SOX6: variants seen among roughly 807,000 people sequenced by gnomAD.
SOX6 encodes SRY-box transcription factor 6, also known as transcription factor SOX-6.
A neutral mutation model predicts 97.8 loss-of-function variants in SOX6; 11 were observed. The ratio of observed to expected loss-of-function variants is 0.11; its 90% CI spans 0.07 to 0.19. The LOEUF is 0.19. SOX6 is among the 10% of genes least tolerant of loss of function. The pLI, the probability that SOX6 is intolerant of heterozygous loss-of-function variation, is 1.00. For missense variants in SOX6, 810 were observed against 1,039.5 expected (o/e 0.78, Z 3.04); for synonymous variants, 360 against 371.4 (o/e 0.97, Z 0.35).
At chr11:16,453,833 T>C (rs1448014195) in intron 1 of SOX6, among the ~76,000 whole-genome samples, 1 of 152,014 alleles carries the variant, frequency 6.6e-6, no homozygotes, top group East Asian at 1.9e-4. Context: ...CACAGAAGAG[T>C]GATTAAATGC....
chr11:16,364,481 T>G (rs1857296556), intron 1 of SOX6, among the ~76,000 whole-genome samples: 2 of 152,134 alleles, frequency 1.3e-5, no homozygotes, highest in East Asian at 3.9e-4. Context: ...ACAAGAGCAC[T>G]AAATTGAGGG....
chr11:16,485,788 G>T (rs1316445378), intron 4 of SOX6, among the ~76,000 whole-genome samples: 1 of 150,394 alleles, frequency 6.6e-6, no homozygotes, highest in African/African-American at 2.5e-5. Context: ...CAGCTACCGA[G>T]GAGGCTGAGG....
intron 3 of SOX6, among the ~76,000 whole-genome samples, chr11:16,640,613 T>A (rs1363541913): frequency 6.6e-6 from 1 of 152,206 alleles, no homozygotes; most frequent in Non-Finnish European, 1.5e-5. Flanking sequence ...AGTCAGAGAT[T>A]CAACTTCTTC....
At chr11:16,162,251 AT>A (rs1167684713) in intron 6 of SOX6, among the ~76,000 whole-genome samples, 1 of 152,190 alleles carries the variant, frequency 6.6e-6, no homozygotes, top group Non-Finnish European at 1.5e-5. Flanking sequence ...ATAGGTCAGA[AT>A]ATTTTTATTT....
At chr11:16,615,915 T>C (rs6486304) in intron 3 of SOX6, among the ~76,000 whole-genome samples, 149,070 of 152,262 alleles carry the variant, frequency 0.98, 73,065 homozygotes, top group East Asian at 1. Context: ...CACAAGTAAG[T>C]ATGATTATCA....
At chr11:16,736,863 C>T (rs1848395068) in intron 1 of SOX6, among the ~76,000 whole-genome samples, 1 of 152,172 alleles carries the variant, frequency 6.6e-6, no homozygotes, top group Non-Finnish European at 1.5e-5. Context: ...TCTCCTCCTC[C>T]TTTATGATTT....
At chr11:16,018,782 GT>G (rs1453019348) in intron 12 of SOX6, among the ~76,000 whole-genome samples, 1 of 151,936 alleles carries the variant, frequency 6.6e-6, no homozygotes, top group African/African-American at 2.4e-5. Flanking sequence ...AAGATCCGTG[GT>G]AAATTAATGA....
chr11:16,518,580 C>T (rs1390979997), intron 4 of SOX6, among the ~76,000 whole-genome samples: 1 of 152,046 alleles, frequency 6.6e-6, no homozygotes, highest in Non-Finnish European at 1.5e-5. Flanking sequence ...CTCTGAATAT[C>T]CAGAGCTCTG....
intron 3 of SOX6, among the ~76,000 whole-genome samples, chr11:16,670,252 G>T (rs1448863418): frequency 2.6e-5 from 4 of 152,040 alleles, no homozygotes; most frequent in African/African-American, 9.7e-5. Context: ...CAGATTGAGG[G>T]TTATGCCCAA....
chr11:16,075,354 G>A (rs946822303), intron 9 of SOX6, among the ~76,000 whole-genome samples: 4 of 152,044 alleles, frequency 2.6e-5, no homozygotes, highest in South Asian at 2.1e-4. Flanking sequence ...AAGAGTGTGC[G>A]CATGAATGTT....
At chr11:15,987,455 GT>G (rs755779369) in intron 14 of SOX6, among the ~76,000 whole-genome samples, 2 of 152,152 alleles carry the variant, frequency 1.3e-5, no homozygotes, top group African/African-American at 4.8e-5. Flanking sequence ...AGAATTCTTG[GT>G]GCTCTTGAAA....
chr11:16,246,346 C>A (rs900165223), intron 3 of SOX6, among the ~76,000 whole-genome samples: 1 of 151,300 alleles, frequency 6.6e-6, no homozygotes, highest in Admixed American at 6.6e-5. Context: ...TTTACAGTAA[C>A]CTTCATTACT....
intron 1 of SOX6, among the ~76,000 whole-genome samples, chr11:16,413,228 G>C (rs960319708): frequency 1.3e-5 from 2 of 152,110 alleles, no homozygotes; most frequent in African/African-American, 4.8e-5. Context: ...CAATTCTTAA[G>C]ACAAATGAGA....
At chr11:16,128,794 G>C (rs1008163538) in intron 6 of SOX6, among the ~76,000 whole-genome samples, 1 of 152,082 alleles carries the variant, frequency 6.6e-6, no homozygotes, top group Non-Finnish European at 1.5e-5. Flanking sequence ...ATAACCTGGT[G>C]ACTAGATATG....
intron 6 of SOX6, among the ~76,000 whole-genome samples, chr11:16,147,282 C>G (rs1303618553): frequency 6.6e-6 from 1 of 151,994 alleles, no homozygotes; most frequent in Non-Finnish European, 1.5e-5. Context: ...TGTTCTCACT[C>G]ATAGGTGGGA....
chr11:16,056,666 C>T (rs1041233137), intron 9 of SOX6, among the ~76,000 whole-genome samples: 1 of 152,138 alleles, frequency 6.6e-6, no homozygotes, highest in African/African-American at 2.4e-5. Flanking sequence ...ATTGCTGTTT[C>T]AAGGCCTTTT....
At chr11:16,199,087 C>G (rs777942850) in intron 4 of SOX6, among the ~76,000 whole-genome samples, 6 of 152,118 alleles carry the variant, frequency 3.9e-5, no homozygotes, top group Non-Finnish European at 7.4e-5. Context: ...AATTAGTTCT[C>G]AGAATAGTTG....
chr11:16,275,731 A>T (rs187629126), intron 3 of SOX6, among the ~76,000 whole-genome samples: 1 of 152,322 alleles, frequency 6.6e-6, no homozygotes, highest in Admixed American at 6.5e-5. Context: ...ACTTACACAT[A>T]GAAACCATAT....
chr11:16,466,514 CT>C (rs1409922756), intron 1 of SOX6, among the ~76,000 whole-genome samples: 1 of 151,906 alleles, frequency 6.6e-6, no homozygotes, highest in Non-Finnish European at 1.5e-5. Context: ...ACAAAAGAAA[CT>C]ATCGACAGAG....
Sources: gnomAD v4.1 joint callset for allele counts (sites outside exome capture counted in the v4.1 genomes callset) on GRCh38, gnomAD v4.1.1 for gene constraint, MANE v1.5 for transcripts, NCBI Gene and HGNC (gene_info 2026-07-23, HGNC 2026-07-21) for gene names.